Variants in LCA5 observed in about 807,000 individuals in gnomAD.
The protein encoded by LCA5 is lebercilin.
Under a neutral mutation model 53.0 loss-of-function variants are expected in LCA5, and 37 were observed. That is an observed-to-expected ratio of 0.70 (90% CI 0.54 to 0.92). The LOEUF is 0.92. Among genes scored for constraint, LCA5 ranks in the 40% least tolerant of loss-of-function variants. The pLI is 0.00. For missense variants in LCA5, 806 were observed against 790.5 expected (o/e 1.02, Z -0.23); for synonymous variants, 303 against 282.9 (o/e 1.07, Z -0.71).
Position 79,487,255 on chromosome 6 carries a change from T to C in LCA5, c.1843A>G (p.Ser615Gly), listed in dbSNP as rs143030450. 249 of 1,614,128 alleles carry C rather than the reference T, an allele frequency of 1.5e-4. No individual in the cohort carries two copies. In the African/African-American group the frequency reaches 2.9e-3, roughly 19 times the overall value. ...TCACTGCTTTTGGAGGAAATGGTGC[T>C]GCTACCACTGGCACCAAATAACTGT... ...MEQLFGASGS[S>G]TISSKSSDPN... Residue 615 changes from serine to glycine, a missense_variant, in exon 8 of 8, where the codon AGC becomes GGC. Coordinates refer to ENST00000369846, the MANE Select transcript of LCA5 (RefSeq NM_001122769.3).
At chr6:79,504,331 A>G (rs1333435664) in intron 3 of LCA5, among the ~76,000 whole-genome samples, 1 of 152,216 alleles carries the variant, frequency 6.6e-6, no homozygotes, top group African/African-American at 2.4e-5. Flanking sequence ...TGTTAAAAGA[A>G]TAACTTTAGA....
intron 1 of LCA5, among the ~76,000 whole-genome samples, chr6:79,528,004 T>C (rs1180014836): frequency 6.6e-6 from 1 of 152,182 alleles, no homozygotes. Flanking sequence ...GGGATGTGAA[T>C]GCCTGGGTCG....
At chr6:79,525,302 T>C (rs1766749872) in intron 1 of LCA5, 1 of 152,152 alleles carries the variant, frequency 6.6e-6, no homozygotes, top group Non-Finnish European at 1.5e-5. Context: ...GGAAAGGAAA[T>C]GAGACCACTC....
Position 79,491,798 on chromosome 6 carries a change from G to A in LCA5, c.956-68C>T, listed in dbSNP as rs186512018. ...TGCTAAAATATATGGAATTCAGCTG[G>A]CATGTATATATATATATGCATGTGT... On this transcript the variant is annotated intron_variant, in intron 5 of 7. Transcript: ENST00000369846. 4.5e-3 allele frequency: 6,143 copies of A among 1,359,352 alleles called. 35 individuals are homozygous for A. Among genetic ancestry groups the A allele is most frequent in the Non-Finnish European group, 5.2e-3 (4,958 of 962,228 alleles). The allele number at this position is 1,359,352 out of a possible 1,614,324, so 84.2% of individuals were successfully genotyped here.
At chr6:79,510,986 C>T (rs1770396058) in intron 3 of LCA5, among the ~76,000 whole-genome samples, 1 of 151,736 alleles carries the variant, frequency 6.6e-6, no homozygotes, top group African/African-American at 2.4e-5. Flanking sequence ...AAAAATGATA[C>T]CACTACTTTA....
intron 1 of LCA5, among the ~76,000 whole-genome samples, chr6:79,529,238 A>G (rs1170365947): frequency 6.6e-6 from 1 of 152,246 alleles, no homozygotes; most frequent in Admixed American, 6.5e-5. Context: ...GAAAAAAGTT[A>G]ACAACTTCTA....
At chr6:79,537,623 G>C (rs1319657678), upstream of LCA5, among the ~76,000 whole-genome samples, 1 of 152,186 alleles carries the variant, frequency 6.6e-6, no homozygotes, top group East Asian at 1.9e-4. Context: ...GGCAAAACGC[G>C]GAGCGCTCCA....
chr6:79,512,335 C>T (rs1766243486), intron 3 of LCA5, among the ~76,000 whole-genome samples: 2 of 152,014 alleles, frequency 1.3e-5, no homozygotes, highest in Middle Eastern at 3.4e-3. Flanking sequence ...AAAAAATAGC[C>T]GCTTTTTCTG....
At chr6:79,505,700 G>T (rs898551657) in intron 3 of LCA5, among the ~76,000 whole-genome samples, 2 of 152,154 alleles carry the variant, frequency 1.3e-5, no homozygotes, top group Admixed American at 1.3e-4. Flanking sequence ...GATAAATGCA[G>T]AAGAGGTAGA....
At chr6:79,490,295 C>T (rs1460643895) in intron 6 of LCA5, among the ~76,000 whole-genome samples, 2 of 131,402 alleles carry the variant, frequency 1.5e-5, no homozygotes, top group Non-Finnish European at 3.1e-5. Flanking sequence ...TTTCATCTGA[C>T]TAAAAAAGAA....
Position 79,493,639 on chromosome 6 carries a change from C to A in LCA5, c.832G>T (p.Val278Leu). Reference protein sequence around the residue: ...HDENKVLQKEVQRLYHKLKEK... With the variant: ...HDENKVLQKELQRLYHKLKEK... ...TTTAATTTGTGATATAGTCGCTGTA[C>A]CTCCTTTTGAAGAACTTTATTTTCA... is the stretch of plus-strand genomic sequence containing the variant. The change falls in exon 4 of 8, where the codon GTA becomes TTA. Residue 278 changes from valine to leucine, a missense_variant. By Grantham distance (32) the Val-to-Leu change is conservative. Transcript: ENST00000369846. 2 of 1,613,534 alleles carry A rather than the reference C, an allele frequency of 1.2e-6. No homozygotes were observed. Among genetic ancestry groups the A allele is most frequent in the Non-Finnish European group, 1.7e-6 (2 of 1,179,578 alleles).
At chr6:79,495,288 A>T (rs1769950049) in intron 3 of LCA5, among the ~76,000 whole-genome samples, 1 of 152,170 alleles carries the variant, frequency 6.6e-6, no homozygotes, top group African/African-American at 2.4e-5. Flanking sequence ...TCTTCCACGA[A>T]ATCAGTGCCT....
At chr6:79,495,750 CAAA>C (rs10637240) in intron 3 of LCA5, among the ~76,000 whole-genome samples, 5 of 73,802 alleles carry the variant, frequency 6.8e-5, no homozygotes, top group East Asian at 3.0e-4. Flanking sequence ...GACTCCATCT[CAAA>C]AAAAAAAAAA....
At chr6:79,534,755 G>A (rs1189127399) in intron 1 of LCA5, among the ~76,000 whole-genome samples, 1 of 151,940 alleles carries the variant, frequency 6.6e-6, no homozygotes, top group African/African-American at 2.4e-5. Flanking sequence ...AAAGTGGGGG[G>A]GTAAATGAGG....
At chr6:79,521,144 T>C (rs951258536) in intron 1 of LCA5, among the ~76,000 whole-genome samples, 1 of 152,146 alleles carries the variant, frequency 6.6e-6, no homozygotes, top group Non-Finnish European at 1.5e-5. Context: ...GGTAGTTAGC[T>C]TACTAAACAA....
chr6:79,490,334 T>C (rs990906682), intron 6 of LCA5, among the ~76,000 whole-genome samples: 1 of 152,026 alleles, frequency 6.6e-6, no homozygotes, highest in Admixed American at 6.6e-5. Context: ...TGATTACTCA[T>C]TGTCACAACC....
intron 3 of LCA5, among the ~76,000 whole-genome samples, chr6:79,510,999 A>G (rs905192045): frequency 6.6e-6 from 1 of 152,112 alleles, no homozygotes; most frequent in Non-Finnish European, 1.5e-5. Flanking sequence ...CTACTTTAGA[A>G]AAGAGAATGT....
At chr6:79,518,611 A>G in intron 2 of LCA5, 94 bp downstream of exon 2, 1 of 1,127,884 alleles carries the variant, frequency 8.9e-7, no homozygotes, top group Non-Finnish European at 1.4e-6. Context: ...ACAACAACAT[A>G]TATACTAATA....
chr6:79,513,800 T>C (rs760747279), intron 2 of LCA5, 59 bp from the exon 3 acceptor site: 2 of 1,526,140 alleles, frequency 1.3e-6, no homozygotes, highest in Non-Finnish European at 1.8e-6. Flanking sequence ...GTGTTATTTG[T>C]TCATCCTAAC....
Sources: gnomAD v4.1 joint callset for allele counts (sites outside exome capture counted in the v4.1 genomes callset) on GRCh38, gnomAD v4.1.1 for gene constraint, MANE v1.5 for transcripts, NCBI Gene and HGNC (gene_info 2026-07-23, HGNC 2026-07-21) for gene names.